The following LUZP2 variants were observed in gnomAD, a reference collection of about 807,000 sequenced individuals.
The protein encoded by LUZP2 is leucine zipper protein 2.
A neutral mutation model predicts 51.6 loss-of-function variants in LUZP2; 52 were observed. The observed-to-expected ratio is 1.01, with a 90% confidence interval of 0.81 to 1.27. The LOEUF is 1.27. Among genes scored for constraint, LUZP2 ranks in the 50% most tolerant of loss-of-function variants. LUZP2 has a pLI of 0.00. For missense variants in LUZP2, 436 were observed against 395.4 expected (o/e 1.10, Z -0.87); for synonymous variants, 154 against 137.3 (o/e 1.12, Z -0.85).
chr11:24,839,602 A>G (rs900649551), intron 5 of LUZP2, among the ~76,000 whole-genome samples: 1 of 151,728 alleles, frequency 6.6e-6, no homozygotes, highest in Non-Finnish European at 1.5e-5. Flanking sequence ...CTGCTAAATG[A>G]TCATTGCAAA....
At chr11:24,804,422 A>G (rs1194742691) in intron 5 of LUZP2, among the ~76,000 whole-genome samples, 1 of 152,164 alleles carries the variant, frequency 6.6e-6, no homozygotes, top group Non-Finnish European at 1.5e-5. Context: ...ACAAGAGAAA[A>G]ACACACCAAT....
At chr11:24,768,128 T>C (rs1045755386) in intron 5 of LUZP2, among the ~76,000 whole-genome samples, 8 of 150,078 alleles carry the variant, frequency 5.3e-5, no homozygotes, top group Non-Finnish European at 8.8e-5. Flanking sequence ...CTTTAATTAG[T>C]TGAAATTTTT....
chr11:24,960,174 G>T (rs918834621), intron 7 of LUZP2, among the ~76,000 whole-genome samples: 1 of 152,046 alleles, frequency 6.6e-6, no homozygotes, highest in South Asian at 2.1e-4. Context: ...GAGGATTTTT[G>T]CATCAATGTT....
At chr11:24,566,751 T>C (rs891380596) in intron 1 of LUZP2, among the ~76,000 whole-genome samples, 2 of 146,668 alleles carry the variant, frequency 1.4e-5, no homozygotes, top group Non-Finnish European at 3.0e-5. Flanking sequence ...ATAATGTATG[T>C]ATACATATTT....
At chr11:25,035,570 C>T (rs558460610) in intron 9 of LUZP2, among the ~76,000 whole-genome samples, 6 of 152,186 alleles carry the variant, frequency 3.9e-5, no homozygotes, top group African/African-American at 1.2e-4. Context: ...CTTCCATGCT[C>T]ATTGTTTAGA....
At chr11:24,683,967 C>T (rs914610680) in intron 1 of LUZP2, among the ~76,000 whole-genome samples, 7 of 152,086 alleles carry the variant, frequency 4.6e-5, no homozygotes, top group African/African-American at 1.4e-4. Flanking sequence ...GACAGACTCA[C>T]ATAGCAATCA....
intron 9 of LUZP2, among the ~76,000 whole-genome samples, chr11:25,042,204 T>C (rs928574010): frequency 1.3e-5 from 2 of 148,492 alleles, no homozygotes; most frequent in Admixed American, 6.8e-5. Flanking sequence ...AGACCACTTA[T>C]GTAATATGCA....
intron 5 of LUZP2, among the ~76,000 whole-genome samples, chr11:24,820,223 G>A (rs185761135): frequency 3.9e-5 from 6 of 152,268 alleles, no homozygotes; most frequent in Admixed American, 1.3e-4. Flanking sequence ...CGTCAGGGAG[G>A]TGGCACTGGT....
chr11:24,947,244 C>T (rs956796112), intron 7 of LUZP2, among the ~76,000 whole-genome samples: 3 of 151,966 alleles, frequency 2.0e-5, no homozygotes, highest in Non-Finnish European at 2.9e-5. Context: ...TATATTTACC[C>T]TTATTCACTA....
At chr11:24,917,639 G>A (rs972223431) in intron 7 of LUZP2, among the ~76,000 whole-genome samples, 9 of 151,976 alleles carry the variant, frequency 5.9e-5, no homozygotes, top group Admixed American at 2.6e-4. Flanking sequence ...AAGATCAGAT[G>A]GTTGTAGATG....
rs760115926 is a variant in LUZP2 at position 24,944,665 on chromosome 11, T to TG, written c.522+30128dup. Among the ~76,000 whole-genome samples, 20 of 152,226 alleles carry TG rather than the reference T, an allele frequency of 1.3e-4. No individual in the cohort carries two copies. The East Asian group carries it at 1.7e-3, about 13-fold the overall frequency. ...TTGGAAGGAGAAGTAGCAATGCAGT[T>TG]GCAAGGATTGGGGAAGGTTCTTCGG... On this transcript the variant is annotated intron_variant, in intron 7 of 11. Transcript: ENST00000336930.
In LUZP2 at chr11:24,636,961, A is replaced by G. The variant is rs139882339; in HGVS notation, c.63-92208A>G. ...CAATTGAATTTTAAATATAAAAATTATAGAATATATATTAAAAACTATCAG... is the reference window on the plus strand; with the variant it reads ...CAATTGAATTTTAAATATAAAAATTGTAGAATATATATTAAAAACTATCAG... On this transcript the variant is annotated intron_variant, in intron 1 of 11. Coordinates refer to ENST00000336930, the MANE Select transcript of LUZP2 (RefSeq NM_001009909.4). 1.9e-4 allele frequency among the ~76,000 whole-genome samples: 29 copies of G among 151,758 alleles called. No individual in the cohort carries two copies. In the East Asian group the frequency reaches 5.0e-3, roughly 26 times the overall value.
intron 1 of LUZP2, among the ~76,000 whole-genome samples, chr11:24,674,143 A>T (rs1052692503): frequency 3.9e-5 from 6 of 152,076 alleles, no homozygotes; most frequent in African/African-American, 1.4e-4. Context: ...CATATTTTTA[A>T]TCTTTATAAT....
rs558549353 is a variant in LUZP2, at chr11:24,742,013, T to A, written c.333+3711T>A. 4.9e-4 allele frequency among the ~76,000 whole-genome samples: 66 copies of A among 134,906 alleles called. No individual in the cohort carries two copies. The Middle Eastern group carries it at 0.011, about 22-fold the overall frequency. The allele number at this position is 134,906 out of a possible 152,430, so 88.5% of individuals were successfully genotyped here. ...TATAAATGTATATATTATATATAAATATAATTATATATTTTATATATAAAT... is the reference window on the plus strand; with the variant it reads ...TATAAATGTATATATTATATATAAAAATAATTATATATTTTATATATAAAT... On this transcript the variant is annotated intron_variant, in intron 4 of 11. Transcript: ENST00000336930.
chr11:24,765,544 T>C (rs1364013029), intron 5 of LUZP2, among the ~76,000 whole-genome samples: 1 of 152,192 alleles, frequency 6.6e-6, no homozygotes, highest in Non-Finnish European at 1.5e-5. Context: ...ATTCTGGTTA[T>C]GTGATGTACC....
intron 7 of LUZP2, among the ~76,000 whole-genome samples, chr11:24,958,265 C>T (rs1372747973): frequency 6.6e-6 from 1 of 152,152 alleles, no homozygotes; most frequent in Non-Finnish European, 1.5e-5. Flanking sequence ...TGGGTATATA[C>T]CCAGTAATGG....
intron 1 of LUZP2, among the ~76,000 whole-genome samples, chr11:24,670,934 T>G (rs923009201): frequency 1.3e-5 from 2 of 152,044 alleles, no homozygotes. Context: ...TGTGAATGAA[T>G]ATAGTTTCAT....
chr11:24,761,586 C>A (rs1034630576), intron 4 of LUZP2, among the ~76,000 whole-genome samples: 1 of 152,128 alleles, frequency 6.6e-6, no homozygotes, highest in Non-Finnish European at 1.5e-5. Flanking sequence ...CACCTCTGGG[C>A]TCCAGGCTGC....
At chr11:24,607,831 T>TTTA (rs1008975256) in intron 1 of LUZP2, among the ~76,000 whole-genome samples, 13 of 148,950 alleles carry the variant, frequency 8.7e-5, no homozygotes, top group African/African-American at 2.7e-4. Flanking sequence ...TCTATTTTAT[T>TTTA]TTTTTTTTTC....
Sources: gnomAD v4.1 joint callset for allele counts (sites outside exome capture counted in the v4.1 genomes callset) on GRCh38, gnomAD v4.1.1 for gene constraint, MANE v1.5 for transcripts, NCBI Gene and HGNC (gene_info 2026-07-23, HGNC 2026-07-21) for gene names.